EP400: variants seen among roughly 807,000 people sequenced by gnomAD.
EP400 encodes the protein E1A-binding protein p400.
Under a neutral mutation model 354.1 loss-of-function variants are expected in EP400, and 105 were observed. That is an observed-to-expected ratio of 0.30 (90% confidence interval 0.25 to 0.35). The LOEUF is 0.35. Among genes scored for constraint, EP400 ranks in the 10% least tolerant of loss-of-function variants. The pLI is 1.00. For missense variants in EP400, 3,280 were observed against 4,121.0 expected, an observed-to-expected ratio of 0.80 and a Z score of 5.59; for synonymous variants, 1,646 against 1,716.9, an observed-to-expected ratio of 0.96 and a Z score of 1.02.
At chr12:131,954,529 A>G (rs1891626987) in intron 1 of EP400, among the ~76,000 whole-genome samples, 1 of 152,128 alleles carries the variant, frequency 6.6e-6, no homozygotes, top group African/African-American at 2.4e-5. Flanking sequence ...GTTGGAGACC[A>G]GTCTGGCCAA....
Position 131,982,201 on chromosome 12 carries a change from A to G in EP400, c.1652A>G (p.His551Arg), listed in dbSNP as rs755908631. ...GPPVQNAASL[H>R]TPLPQLPGRL... ...CCCGTGCAGAACGCTGCCAGCTTGC[A>G]CACCCCACTGCCGCAGCTGCCCGGG... The change falls in exon 5 of 53, where the codon CAC becomes CGC. Residue 551 changes from histidine to arginine, a missense_variant. Transcript: ENST00000389561. 2.5e-6 allele frequency: 4 copies of G among 1,613,794 alleles called. No homozygotes were observed. In the South Asian group the frequency reaches 3.3e-5, roughly 13 times the overall value.
In EP400 at chr12:132,017,451, A is replaced by C. The variant is rs3923761; in HGVS notation, c.3924-84A>C. The C allele has an allele frequency of 0.014, 21,025 of 1,457,416 alleles. 172 individuals carry two copies. Among genetic ancestry groups the C allele is most frequent in the Non-Finnish European group, 0.017 (18,226 of 1,065,868 alleles). 90.3% of individuals were successfully genotyped at this position (1,457,416 alleles called of 1,614,324 possible). On this transcript the variant is annotated intron_variant, in intron 19 of 52. Coordinates refer to ENST00000389561, the MANE Select transcript of EP400 (RefSeq NM_015409.5). The surrounding 1 kb of genome is among the most constrained non-coding windows in gnomAD (Gnocchi z 5.0). ...AATCTGCTCCTGCCTGCCTTTCTGG[A>C]GTTGGGACAGTCGATGGTGAGGGTG...
chr12:131,986,678 A>T lies in EP400; in HGVS notation c.2094A>T (p.Ala698=). 1 of 1,614,100 alleles carries T rather than the reference A, an allele frequency of 6.2e-7. No individual in the cohort carries two copies. Among genetic ancestry groups the T allele is most frequent in the Non-Finnish European group, 8.5e-7 (1 of 1,180,008 alleles). Residue 698 remains alanine, a synonymous_variant, in exon 6 of 53, where the codon GCA becomes GCT. Transcript: ENST00000389561. ...GACCTTCCTCAGCCACCAATAAGGC[A>T]CTATCTCCAGTCACTTCCCGGACCC... ...VNRPSSATNK[A]LSPVTSRTPG...
intron 6 of EP400, 27 bp from the exon 7 acceptor site, chr12:131,987,678 C>A (rs769076665): frequency 1.3e-6 from 2 of 1,538,756 alleles, no homozygotes; most frequent in South Asian, 2.5e-5. Flanking sequence ...CATGCCGACC[C>A]CACCATCCCC....
chr12:132,033,463 C>T lies in EP400; in HGVS notation c.5951+1314C>T, dbSNP rs1894591927. 5.3e-5 allele frequency among the ~76,000 whole-genome samples: 8 copies of T among 152,190 alleles called. No individual in the cohort carries two copies. The South Asian group carries it at 1.7e-3, about 32-fold the overall frequency. ...TCAGTTCCCAGTAGGGAGCCTGAGA[C>T]TAGACAAATATGGTCCCTGCATGAG... On this transcript the variant is annotated intron_variant, in intron 30 of 52. Transcript: ENST00000389561.
At chr12:132,020,936 C>T (rs1026564458) in intron 22 of EP400, 143 bp from the exon 23 acceptor site, 1 of 1,133,710 alleles carries the variant, frequency 8.8e-7, no homozygotes, top group Non-Finnish European at 1.2e-6. Context: ...CTATATGGCC[C>T]CTCTTTTTTT....
intron 41 of EP400, among the ~76,000 whole-genome samples, chr12:132,051,808 C>G (rs556469190): frequency 2.7e-4 from 41 of 152,052 alleles, no homozygotes; most frequent in African/African-American, 9.9e-4. Flanking sequence ...TCTAAACTCC[C>G]CTGGGGAAAG....
At chr12:131,976,423 G>A (rs77071556) in intron 2 of EP400, among the ~76,000 whole-genome samples, 19,045 of 152,110 alleles carry the variant, frequency 0.13, 1,612 homozygotes, top group African/African-American at 0.24. Flanking sequence ...AATTAAAAAT[G>A]CACACTCTGG....
chr12:132,062,238 T>G lies in EP400; in HGVS notation c.8013T>G (p.Thr2671=), dbSNP rs149050951. 6 of 1,614,088 alleles carry G rather than the reference T, an allele frequency of 3.7e-6. No homozygotes were observed. In the African/African-American group the frequency reaches 6.7e-5, roughly 18 times the overall value. ...CGACTCAGGGTGTTCGAGCGGTCAC[T>G]TCTGTGACAGCCTCGGCCGTGGTCA... ...MATTQGVRAV[T]SVTASAVVTT... The change falls in exon 46 of 53, where the codon ACT becomes ACG. Residue 2671 remains threonine (T), a synonymous_variant. Transcript: ENST00000389561.
chr12:131,951,497 AGGGCTTCTCTCT>A (rs1368520097), intron 1 of EP400, among the ~76,000 whole-genome samples: 1 of 152,128 alleles, frequency 6.6e-6, no homozygotes, highest in Non-Finnish European at 1.5e-5. Flanking sequence ...AAGTGTTAAT[AGGGCTTCTCTCT>A]GGGTTCGTGG....
chr12:131,979,692 A>G lies in EP400; in HGVS notation c.1336-2A>G, dbSNP rs1245474582. 7.5e-6 allele frequency: 12 copies of G among 1,599,468 alleles called. No homozygotes were observed. The highest frequency in any genetic ancestry group is 1.4e-5 in the African/African-American group (1 of 73,816). ...ATCTCATTTTTTCATCTTTTTTCCCAGCAGCAAGCCCTCGCAGGGAGCCTG... is the reference window on the plus strand; with the variant it reads ...ATCTCATTTTTTCATCTTTTTTCCCGGCAGCAAGCCCTCGCAGGGAGCCTG... On this transcript the variant is annotated splice_acceptor_variant, in intron 2 of 52. Coordinates refer to ENST00000389561, the MANE Select transcript of EP400 (RefSeq NM_015409.5). LOFTEE classifies it high-confidence loss of function.
intron 27 of EP400, 129 bp downstream of exon 27, chr12:132,028,417 T>C (rs1199980836): frequency 2.5e-6 from 3 of 1,211,116 alleles, no homozygotes; most frequent in Non-Finnish European, 3.5e-6. Flanking sequence ...TAGCGGTCTG[T>C]TTTGAAGTTA....
chr12:132,009,895 G>A (rs1015005287), intron 15 of EP400, among the ~76,000 whole-genome samples: 4 of 129,752 alleles, frequency 3.1e-5, no homozygotes, highest in Non-Finnish European at 6.2e-5. Flanking sequence ...GGCTGATCTC[G>A]AACTCCTGGC....
At chr12:131,978,728 GTTTTGAACTGC>G (rs1367545805) in intron 2 of EP400, among the ~76,000 whole-genome samples, 1 of 152,036 alleles carries the variant, frequency 6.6e-6, no homozygotes, top group Non-Finnish European at 1.5e-5. Flanking sequence ...GCCCAGGCTG[GTTTTGAACTGC>G]TGACCTCAAG....
intron 23 of EP400, among the ~76,000 whole-genome samples, chr12:132,023,299 ATTTTTTTTTTTTTTTTTTT>A (rs767816284): frequency 1.4e-5 from 1 of 71,078 alleles, no homozygotes; most frequent in African/African-American, 8.3e-5. Flanking sequence ...TGCCCAGCTA[ATTTTTTTTTTTTTTTTTTT>A]TTTTTTTTTG....
Position 131,996,295 on chromosome 12 carries a change from C to CTTTTTTTT in EP400, c.2827+1348_2827+1355dup, listed in dbSNP as rs575217796. ...AAGCTCCACATCTCAGGAAGGAACTCTTTTTTTTTTTTTTTTGAGATGGAG... is the reference window on the plus strand; with the variant it reads ...AAGCTCCACATCTCAGGAAGGAACTCTTTTTTTTTTTTTTTTTTTTTTTTGAGATGGAG... On this transcript the variant is annotated intron_variant, in intron 12 of 52. Coordinates refer to ENST00000389561, the MANE Select transcript of EP400 (RefSeq NM_015409.5). 7.0e-3 allele frequency among the ~76,000 whole-genome samples: 895 copies of CTTTTTTTT among 128,136 alleles called. 41 individuals carry two copies. The highest frequency in any genetic ancestry group is 0.022 in the African/African-American group (691 of 31,238). 84.1% of individuals were successfully genotyped at this position (128,136 alleles called of 152,430 possible).
chr12:132,005,063 G>A lies in EP400; in HGVS notation c.2828-14G>A, dbSNP rs775091250. ...TTATAAAGTAACAGCCCTTCTGCCC[G>A]CAACCCTCTGCAGCTGAGCTGCCCC... is the stretch of plus-strand genomic sequence containing the variant. On this transcript the variant is annotated splice_polypyrimidine_tract_variant and intron_variant, in intron 12 of 52. Transcript: ENST00000389561. 21 of 1,560,738 alleles carry A rather than the reference G, an allele frequency of 1.3e-5. No homozygotes were observed. The highest frequency in any genetic ancestry group is 1.2e-4 in the South Asian group (10 of 84,834).
rs1259279214 is a variant in EP400 at position 132,079,867 on chromosome 12, C to T, written c.*2194C>T. 1.3e-5 allele frequency: 2 copies of T among 152,236 alleles called. No individual in the cohort carries two copies. The highest frequency in any genetic ancestry group is 4.8e-5 in the African/African-American group (2 of 41,450). The allele number at this position is 152,236 out of a possible 1,614,324, so 9.4% of individuals were successfully genotyped here. ...AGTAACTTCTAGATGCTACCGTTGACCTGAGTTAAATTCATTTAGTCGTGT... is the reference window on the plus strand; with the variant it reads ...AGTAACTTCTAGATGCTACCGTTGATCTGAGTTAAATTCATTTAGTCGTGT... On this transcript the variant is annotated 3_prime_UTR_variant, in exon 53 of 53. Coordinates refer to ENST00000389561, the MANE Select transcript of EP400 (RefSeq NM_015409.5).
intron 5 of EP400, among the ~76,000 whole-genome samples, chr12:131,984,472 G>A (rs2136495083): frequency 6.6e-6 from 1 of 152,254 alleles, no homozygotes; most frequent in South Asian, 2.1e-4. Context: ...AAGTCTGCAG[G>A]GAAGCCTTGT....
Sources: allele counts gnomAD v4.1 joint callset (sites outside exome capture counted in the v4.1 genomes callset), GRCh38; gene constraint gnomAD v4.1.1; non-coding constraint Gnocchi (gnomAD v3.1); transcripts MANE v1.5; gene names NCBI Gene and HGNC (gene_info 2026-07-23, HGNC 2026-07-21).